The following YWHAQ variants were observed in gnomAD, a reference collection of about 807,000 sequenced individuals.
YWHAQ encodes the protein tyrosine 3-monooxygenase/tryptophan 5-monooxygenase activation protein theta.
A neutral mutation model predicts 28.3 loss-of-function variants in YWHAQ; 6 were observed. The observed-to-expected ratio is 0.21, with a 90% CI of 0.12 to 0.42. YWHAQ has a LOEUF of 0.42. YWHAQ is among the 10% of genes least tolerant of loss of function. The pLI is 1.00. For missense variants in YWHAQ, 201 were observed against 305.6 expected (o/e 0.66, Z 2.55); for synonymous variants, 143 against 119.1 (o/e 1.20, Z -1.31).
At chr2:9,602,985 AG>A (rs1666746746) in intron 2 of YWHAQ, among the ~76,000 whole-genome samples, 1 of 145,398 alleles carries the variant, frequency 6.9e-6, no homozygotes, top group Middle Eastern at 3.3e-3. Context: ...GGCCTCCCCA[AG>A]TGTTGAACTT....
chr2:9,614,620 T>A (rs2125070993), intron 2 of YWHAQ, among the ~76,000 whole-genome samples: 1 of 152,276 alleles, frequency 6.6e-6, no homozygotes, highest in Admixed American at 6.5e-5. Context: ...TATATATGGG[T>A]CAAGTTTTGC....
At chr2:9,597,790 T>C (rs1666604129) in intron 2 of YWHAQ, among the ~76,000 whole-genome samples, 1 of 138,032 alleles carries the variant, frequency 7.2e-6, no homozygotes, top group Admixed American at 7.2e-5. Context: ...GAAGCAAACC[T>C]TTTTTTTTTT....
chr2:9,615,859 T>C (rs1378211927), intron 2 of YWHAQ, among the ~76,000 whole-genome samples: 1 of 152,158 alleles, frequency 6.6e-6, no homozygotes, highest in Non-Finnish European at 1.5e-5. Flanking sequence ...CACAGCTAAC[T>C]AGCTGTGGAA....
chr2:9,592,304 TCATA>T (rs575900650), intron 2 of YWHAQ, among the ~76,000 whole-genome samples: 44 of 152,282 alleles, frequency 2.9e-4, no homozygotes, highest in African/African-American at 9.4e-4. Context: ...GTCCCTAATT[TCATA>T]CAAAGAAATT....
At chr2:9,623,610 C>T (rs1341811961) in intron 2 of YWHAQ, among the ~76,000 whole-genome samples, 1 of 152,014 alleles carries the variant, frequency 6.6e-6, no homozygotes, top group Admixed American at 6.6e-5. Flanking sequence ...CTCGTCTCTA[C>T]TAAAAATACA....
intron 2 of YWHAQ, among the ~76,000 whole-genome samples, chr2:9,592,964 G>C (rs1666487468): frequency 6.6e-6 from 1 of 152,142 alleles, no homozygotes; most frequent in Non-Finnish European, 1.5e-5. Flanking sequence ...TGAAACTAGT[G>C]AACGTTTTAA....
chr2:9,591,495 T>C lies in YWHAQ; in HGVS notation c.315A>G (p.Leu105=), dbSNP rs902676908. 1.2e-6 allele frequency: 2 copies of C among 1,610,140 alleles called. No individual in the cohort carries two copies. The highest frequency in any genetic ancestry group is 1.7e-5 in the Admixed American group (1 of 59,938). ...TTVLELLDKY[L]IANATNPESK... Reference sequence around the variant, plus strand: ...TCTCTGGATTAGTTGCATTGGCTATTAAATATTTATCCAACAATTCCTGAA... The same window carrying C: ...TCTCTGGATTAGTTGCATTGGCTATCAAATATTTATCCAACAATTCCTGAA... The change falls in exon 3 of 6, where the codon TTA becomes TTG. Residue 105 remains leucine, a synonymous_variant. Transcript: ENST00000238081.
intron 2 of YWHAQ, among the ~76,000 whole-genome samples, chr2:9,605,843 T>G (rs1666816460): frequency 6.6e-6 from 1 of 152,084 alleles, no homozygotes; most frequent in Non-Finnish European, 1.5e-5. Flanking sequence ...ATTACAGGCT[T>G]GAGCCACCGC....
intron 2 of YWHAQ, among the ~76,000 whole-genome samples, chr2:9,616,128 G>C (rs541204486): frequency 6.6e-6 from 1 of 152,226 alleles, no homozygotes; most frequent in African/African-American, 2.4e-5. Context: ...CTAGAACACA[G>C]GAACCACAGA....
Position 9,584,222 on chromosome 2 carries a change from G to A in YWHAQ, c.*1064C>T, listed in dbSNP as rs956706614. 1.3e-5 allele frequency: 2 copies of A among 152,606 alleles called. No homozygotes were observed. The highest frequency in any genetic ancestry group is 2.9e-5 in the Non-Finnish European group (2 of 68,042). The allele number at this position is 152,606 out of a possible 1,614,324, so 9.5% of individuals were successfully genotyped here. A position where few individuals can be genotyped will look rare whatever the true frequency, so the allele number is the denominator to read the frequency against. ...ACTTTAGAAAGTAGTAAATTCACCT[G>A]TCCCTTAAAATATGGGTATGCAATT... On this transcript the variant is annotated 3_prime_UTR_variant, in exon 6 of 6. Transcript: ENST00000238081.
chr2:9,597,985 A>ATTTTTTTTTTTTTTTTTTTT lies in YWHAQ; in HGVS notation c.295-6490_295-6471dup, dbSNP rs547582835. Among the ~76,000 whole-genome samples, 5 of 62,480 alleles carry ATTTTTTTTTTTTTTTTTTTT rather than the reference A, an allele frequency of 8.0e-5. 1 individual carries two copies. Among genetic ancestry groups the ATTTTTTTTTTTTTTTTTTTT allele is most frequent in the Admixed American group, 4.1e-4 (2 of 4,858 alleles). 41.0% of individuals were successfully genotyped at this position (62,480 alleles called of 152,430 possible). A position where few individuals can be genotyped will look rare whatever the true frequency, so the allele number is the denominator to read the frequency against. On this transcript the variant is annotated intron_variant, in intron 2 of 5. Transcript: ENST00000238081. ...CAGGCATGCACCACCATGCCGGGCT[A>ATTTTTTTTTTTTTTTTTTTT]TTTTTTTTTTTTTTTTTTTTTTTTT...
chr2:9,589,086 C>T (rs1263323113), intron 3 of YWHAQ, among the ~76,000 whole-genome samples: 1 of 152,056 alleles, frequency 6.6e-6, no homozygotes, highest in Non-Finnish European at 1.5e-5. Flanking sequence ...CATGCTGCTG[C>T]ACTCCCAACC....
intron 2 of YWHAQ, among the ~76,000 whole-genome samples, chr2:9,623,259 G>A (rs556491463): frequency 1.3e-5 from 2 of 152,316 alleles, no homozygotes; most frequent in Admixed American, 1.3e-4. Context: ...TGCTTGTGCT[G>A]GAAAGGGTTA....
rs564769446 is a variant in YWHAQ at position 9,588,446 on chromosome 2, T to C, written c.419-118A>G. 38 of 1,177,208 alleles carry C rather than the reference T, an allele frequency of 3.2e-5. No homozygotes were observed. In the Admixed American group the frequency reaches 5.6e-4, roughly 17 times the overall value. 72.9% of individuals were successfully genotyped at this position (1,177,208 alleles called of 1,614,324 possible). A position where few individuals can be genotyped will look rare whatever the true frequency, so the allele number is the denominator to read the frequency against. On this transcript the variant is annotated intron_variant, in intron 3 of 5. Coordinates refer to ENST00000238081, the MANE Select transcript of YWHAQ (RefSeq NM_006826.4). Reference sequence around the variant, plus strand: ...GTAGAACCAAGATTTTTTCTCTGTATGGGTCTTTTAAAATCATGGTAGCTA... The same window carrying C: ...GTAGAACCAAGATTTTTTCTCTGTACGGGTCTTTTAAAATCATGGTAGCTA...
chr2:9,597,634 C>CAAAAAAAAA (rs562319001), intron 2 of YWHAQ, among the ~76,000 whole-genome samples: 4 of 75,308 alleles, frequency 5.3e-5, no homozygotes, highest in African/African-American at 1.7e-4. Flanking sequence ...AACTCCGTCT[C>CAAAAAAAAA]AAAAAAAAAA....
chr2:9,595,759 T>C (rs965163536), intron 2 of YWHAQ, among the ~76,000 whole-genome samples: 2 of 151,422 alleles, frequency 1.3e-5, no homozygotes, highest in African/African-American at 2.4e-5. Context: ...CCCCCACTGA[T>C]TTCTTCTGTA....
rs530679498 is a variant in YWHAQ, at chr2:9,586,141, T to G, written c.679-796A>C. Among the ~76,000 whole-genome samples the G allele has an allele frequency of 6.6e-5, 10 of 152,304 alleles. No homozygotes were observed. The East Asian group carries it at 1.5e-3, about 23-fold the overall frequency. On this transcript the variant is annotated intron_variant, in intron 5 of 5. Coordinates refer to ENST00000238081, the MANE Select transcript of YWHAQ (RefSeq NM_006826.4). ...TAAACTATAGGAAAAGCAGACTTAC[T>G]TTGTGTTTCTCCAAGAATTAAATAG...
chr2:9,616,367 A>G (rs1280764082), intron 2 of YWHAQ, among the ~76,000 whole-genome samples: 1 of 152,048 alleles, frequency 6.6e-6, no homozygotes, highest in Non-Finnish European at 1.5e-5. Context: ...AACTTAGAAG[A>G]AATCATAAGT....
At chr2:9,587,607 C>G (rs1666370994) in intron 4 of YWHAQ, 98 bp from the exon 5 acceptor site, 1 of 1,021,966 alleles carries the variant, frequency 9.8e-7, no homozygotes, top group Non-Finnish European at 1.4e-6. Context: ...GAACACCCAC[C>G]TTATGTTCTA....
Sources: allele counts gnomAD v4.1 joint callset (sites outside exome capture counted in the v4.1 genomes callset), GRCh38; gene constraint gnomAD v4.1.1; transcripts MANE v1.5; gene names NCBI Gene and HGNC (gene_info 2026-07-23, HGNC 2026-07-21).